Variants in SLAMF7 observed in about 807,000 individuals in gnomAD.
SLAMF7 encodes SLAM family member 7.
Under a neutral mutation model 34.1 loss-of-function variants are expected in SLAMF7, and 26 were observed. That is an observed-to-expected ratio of 0.76 (90% CI 0.56 to 1.06). SLAMF7 has a LOEUF of 1.06. Ranked by LOEUF, SLAMF7 falls within the 50% of genes least tolerant of loss-of-function variation. The pLI is 0.00. For synonymous variants in SLAMF7, 171 were observed against 156.4 expected (o/e 1.09, Z -0.70); for missense variants, 399 against 402.5 (o/e 0.99, Z 0.07).
chr1:160,751,144 T>C (rs1271118329), intron 4 of SLAMF7: 1 of 555,314 alleles, frequency 1.8e-6, no homozygotes, highest in Non-Finnish European at 3.3e-6. Context: ...AAGTGAAATG[T>C]TGGGGGTGGC....
chr1:160,751,862 C>CTCTATATA (rs1664646652), intron 5 of SLAMF7: 1 of 41,928 alleles, frequency 2.4e-5, no homozygotes, highest in Non-Finnish European at 4.4e-5. Flanking sequence ...CTCTCTCTCT[C>CTCTATATA]TATATATATA....
In SLAMF7 at chr1:160,748,279, A is replaced by G. The variant is rs79939279; in HGVS notation, c.141A>G (p.Gln47=). ...TCCCCCTGAAGTCCAAAGTAAAGCAAGTTGACTCTATTGTCTGGACCTTCA... is the reference window on the plus strand; with the variant it reads ...TCCCCCTGAAGTCCAAAGTAAAGCAGGTTGACTCTATTGTCTGGACCTTCA... ...VTFPLKSKVK[Q]VDSIVWTFNT... Residue 47 remains glutamine, a synonymous_variant, in exon 2 of 7, where the codon CAA becomes CAG. Coordinates refer to ENST00000368043, the MANE Select transcript of SLAMF7 (RefSeq NM_021181.5). 2,276 of 1,614,048 alleles carry G rather than the reference A, an allele frequency of 1.4e-3. 64 individuals are homozygous for G. In the East Asian group the frequency reaches 0.047, roughly 33 times the overall value.
At chr1:160,739,738 T>C in intron 1 of SLAMF7, 1 of 198,970 alleles carries the variant, frequency 5.0e-6, no homozygotes, top group Non-Finnish European at 1.0e-5. Flanking sequence ...AAGAACAAGA[T>C]GATACTATAC....
chr1:160,751,677 G>A lies in SLAMF7; in HGVS notation c.873+229G>A, dbSNP rs1664596704. 5 of 467,866 alleles carry A rather than the reference G, an allele frequency of 1.1e-5. No individual in the cohort carries two copies. The South Asian group carries it at 1.3e-4, about 13-fold the overall frequency. 29.0% of individuals were successfully genotyped at this position (467,866 alleles called of 1,614,324 possible). On this transcript the variant is annotated intron_variant, in intron 5 of 6. Coordinates refer to ENST00000368043, the MANE Select transcript of SLAMF7 (RefSeq NM_021181.5). Reference sequence around the variant, plus strand: ...TCTGACTCACAATGCTCATGCTGTGGTCTGTGAAATCACCTGCTCCCCTCC... The same window carrying A: ...TCTGACTCACAATGCTCATGCTGTGATCTGTGAAATCACCTGCTCCCCTCC...
intron 1 of SLAMF7, among the ~76,000 whole-genome samples, chr1:160,741,572 T>A (rs190001037): frequency 1.1e-3 from 164 of 152,320 alleles, no homozygotes; most frequent in African/African-American, 3.6e-3. Context: ...CCTTTTTTTT[T>A]AAATCCATGG....
chr1:160,741,335 G>C (rs1287957601), intron 1 of SLAMF7, among the ~76,000 whole-genome samples: 1 of 152,194 alleles, frequency 6.6e-6, no homozygotes, highest in South Asian at 2.1e-4. Context: ...ACAAGGAAGA[G>C]GGGGCAGGAG....
chr1:160,751,251 C>A, intron 4 of SLAMF7, 94 bp from the exon 5 acceptor site: 1 of 873,954 alleles, frequency 1.1e-6, no homozygotes, highest in Admixed American at 2.0e-5. Context: ...GCTGGTTGGT[C>A]ACCCTAAGTG....
chr1:160,739,526 A>G, intron 1 of SLAMF7, 170 bp downstream of exon 1: 1 of 582,608 alleles, frequency 1.7e-6, no homozygotes, highest in South Asian at 2.3e-5. Flanking sequence ...GGAAGAGACT[A>G]GAGAGAGGGG....
At position 160,749,824 on chromosome 1, in the gene SLAMF7, A is replaced by G; in HGVS notation, c.380A>G (p.His127Arg). The G allele has an allele frequency of 6.3e-7, 1 of 1,583,392 alleles. No homozygotes were observed. Among genetic ancestry groups the G allele is most frequent in the South Asian group, 1.1e-5 (1 of 87,692 alleles). ...TQEYVLHVYE[H>R]LSKPKVTMGL... ...CTGGTTTTCCTTCCTCTCACAGAGC[A>G]CCTGTCAAAGCCTAAAGTCACCATG... is the stretch of plus-strand genomic sequence containing the variant. Residue 127 changes from histidine to arginine, a missense_variant, in exon 3 of 7, where the codon CAC (histidine) becomes CGC (arginine). Coordinates refer to ENST00000368043, the MANE Select transcript of SLAMF7 (RefSeq NM_021181.5).
intron 1 of SLAMF7, among the ~76,000 whole-genome samples, chr1:160,742,202 G>A (rs1663803872): frequency 6.6e-6 from 1 of 152,116 alleles, no homozygotes; most frequent in African/African-American, 2.4e-5. Context: ...CAAGAGGAAA[G>A]GAAGGTGACA....
chr1:160,752,575 G>A (rs1315717465), intron 6 of SLAMF7, among the ~76,000 whole-genome samples: 1 of 152,222 alleles, frequency 6.6e-6, no homozygotes, highest in African/African-American at 2.4e-5. Flanking sequence ...GGAATGAAGA[G>A]AGGAATAGCT....
chr1:160,741,688 G>A (rs1663755786), intron 1 of SLAMF7, among the ~76,000 whole-genome samples: 1 of 151,958 alleles, frequency 6.6e-6, no homozygotes, highest in Non-Finnish European at 1.5e-5. Context: ...CCTATCCTAC[G>A]CTCACCCCTT....
chr1:160,744,303 G>A (rs530530340), intron 1 of SLAMF7, among the ~76,000 whole-genome samples: 7 of 152,336 alleles, frequency 4.6e-5, no homozygotes, highest in South Asian at 4.1e-4. Flanking sequence ...CTGAGAAGCA[G>A]AAGCAAAACT....
rs1221687086 is a variant in SLAMF7 at position 160,750,354 on chromosome 1, G to A, written c.700G>A (p.Val234Met). 6.2e-7 allele frequency: 1 copy of A among 1,614,034 alleles called. No individual in the cohort carries two copies. The highest frequency in any genetic ancestry group is 1.3e-5 in the African/African-American group (1 of 75,012). Residue 234 changes from valine (V) to methionine (M), a missense_variant, in exon 4 of 7, where the codon GTG becomes ATG. Coordinates refer to ENST00000368043, the MANE Select transcript of SLAMF7 (RefSeq NM_021181.5). Reference sequence around the variant, plus strand: ...CATGGTCCTCCTGTGTCTCCTGTTGGTGCCCCTCCTGCTCAGTCTCTTTGT... The same window carrying A: ...CATGGTCCTCCTGTGTCTCCTGTTGATGCCCCTCCTGCTCAGTCTCTTTGT... ...SSMVLLCLLL[V>M]PLLLSLFVLG...
intron 1 of SLAMF7, 144 bp from the exon 2 acceptor site, chr1:160,748,050 T>C (rs962861765): frequency 4.2e-5 from 29 of 695,444 alleles, no homozygotes; most frequent in Non-Finnish European, 6.8e-5. Flanking sequence ...GAGGGACCTC[T>C]ATATGAGGTT....
intron 1 of SLAMF7, among the ~76,000 whole-genome samples, chr1:160,743,143 C>T (rs775863966): frequency 6.6e-6 from 1 of 152,092 alleles, no homozygotes; most frequent in East Asian, 1.9e-4. Flanking sequence ...ATATATGCAG[C>T]GACCACCAAG....
At chr1:160,743,864 T>A (rs937453473) in intron 1 of SLAMF7, among the ~76,000 whole-genome samples, 1 of 152,222 alleles carries the variant, frequency 6.6e-6, no homozygotes, top group Non-Finnish European at 1.5e-5. Flanking sequence ...AATTTTTTCA[T>A]TTTTTGTAAA....
At position 160,739,374 on chromosome 1, in the gene SLAMF7, C is replaced by G. The variant is rs1284152221; in HGVS notation, c.55+18C>G. 3 of 1,607,494 alleles carry G rather than the reference C, an allele frequency of 1.9e-6. No homozygotes were observed. The highest frequency in any genetic ancestry group is 1.7e-6 in the Non-Finnish European group (2 of 1,175,646). On this transcript the variant is annotated intron_variant, in intron 1 of 6. Transcript: ENST00000368043. Reference sequence around the variant, plus strand: ...GCTCACAGGTGAGTCCGGCCGGATTCTCTTCCACTCTCCTGTCTACCCCAT... The same window carrying G: ...GCTCACAGGTGAGTCCGGCCGGATTGTCTTCCACTCTCCTGTCTACCCCAT...
chr1:160,751,176 G>A, intron 4 of SLAMF7, 169 bp from the exon 5 acceptor site: 1 of 603,026 alleles, frequency 1.7e-6, no homozygotes. Flanking sequence ...GATTTGTTTA[G>A]ATTTTCCCAG....
Sources: allele counts gnomAD v4.1 joint callset (sites outside exome capture counted in the v4.1 genomes callset), GRCh38; gene constraint gnomAD v4.1.1; transcripts MANE v1.5; gene names NCBI Gene and HGNC (gene_info 2026-07-23, HGNC 2026-07-21).